TNFRSF13C: variants seen among roughly 807,000 people sequenced by gnomAD.
The protein encoded by TNFRSF13C is TNF receptor superfamily member 13C.
Under a neutral mutation model 12.1 loss-of-function variants are expected in TNFRSF13C, and 7 were observed. That is an observed-to-expected ratio of 0.58 (90% confidence interval 0.33 to 1.08). The LOEUF is 1.08. Ranked by LOEUF, TNFRSF13C falls within the 50% of genes least tolerant of loss-of-function variation. The pLI, the probability that TNFRSF13C is intolerant of heterozygous loss-of-function variation, is 0.04. For synonymous variants in TNFRSF13C, 157 were observed against 130.8 expected (o/e 1.20, Z -1.37); for missense variants, 260 against 265.9 (o/e 0.98, Z 0.15).
intron 2 of TNFRSF13C, 132 bp downstream of exon 2, chr22:41,925,967 CTT>C (rs2077627054): frequency 3.8e-6 from 5 of 1,301,540 alleles, no homozygotes; most frequent in South Asian, 1.3e-5. Context: ...AGCGCAAACT[CTT>C]TTCCACTCTG....
chr22:41,926,551 G>C lies in TNFRSF13C; in HGVS notation c.136+87C>G, dbSNP rs569824706. The C allele has an allele frequency of 3.5e-4, 460 of 1,317,778 alleles. 1 individual carries two copies. The African/African-American group carries it at 6.6e-3, about 19-fold the overall frequency. The allele number at this position is 1,317,778 out of a possible 1,614,324, so 81.6% of individuals were successfully genotyped here. On this transcript the variant is annotated intron_variant, in intron 1 of 2. Transcript: ENST00000291232. This position sits in a 1 kb window ranked among gnomAD's most constrained non-coding sequence, Gnocchi z 4.9. ...TCCTTTCAGCCCTCGGCGCCCCCGG[G>C]GGTCGGGGCTCTGCCTGCGCCCTGG... is the stretch of plus-strand genomic sequence containing the variant.
In TNFRSF13C at chr22:41,922,325, A is replaced by C. The variant is rs767705450; in HGVS notation, c.*3042T>G. ...CCACCCCCCTCCTCCAGGTGCTCTT[A>C]TGAAGATCAAATGAGGTATTGATGT... On this transcript the variant is annotated 3_prime_UTR_variant, in exon 3 of 3. Coordinates refer to ENST00000291232, the MANE Select transcript of TNFRSF13C (RefSeq NM_052945.4). 6.6e-6 allele frequency: 1 copy of C among 152,186 alleles called. No individual in the cohort carries two copies. Among genetic ancestry groups the C allele is most frequent in the Non-Finnish European group, 1.5e-5 (1 of 68,034 alleles). The allele number at this position is 152,186 out of a possible 1,614,324, so 9.4% of individuals were successfully genotyped here.
chr22:41,922,270 C>CA lies in TNFRSF13C; in HGVS notation c.*3096dup, dbSNP rs961514200. ...AAAATGCCTATCTTCATTTTTTTCA[C>CA]AAAAAAAAATTTAAACAAACACAAA... On this transcript the variant is annotated 3_prime_UTR_variant, in exon 3 of 3. Coordinates refer to ENST00000291232, the MANE Select transcript of TNFRSF13C (RefSeq NM_052945.4). 1.1e-4 allele frequency: 16 copies of CA among 151,354 alleles called. No individual in the cohort carries two copies. Among genetic ancestry groups the CA allele is most frequent in the South Asian group, 2.1e-4 (1 of 4,796 alleles). 9.4% of individuals were successfully genotyped at this position (151,354 alleles called of 1,614,324 possible). A position where few individuals can be genotyped will look rare whatever the true frequency, so the allele number is the denominator to read the frequency against.
Position 41,926,758 on chromosome 22 carries a change from G to A in TNFRSF13C, c.16C>T (p.Arg6Trp). The A allele has an allele frequency of 2.2e-6, 3 of 1,362,784 alleles. No individual in the cohort carries two copies. Among genetic ancestry groups the A allele is most frequent in the South Asian group, 1.7e-5 (1 of 58,346 alleles). 84.4% of individuals were successfully genotyped at this position (1,362,784 alleles called of 1,614,324 possible). Residue 6 changes from arginine to tryptophan, a missense_variant, in exon 1 of 3, where the codon CGG (arginine) becomes TGG (tryptophan). Physicochemically the swap from Arg to Trp is moderately radical, Grantham distance 101. Transcript: ENST00000291232. The surrounding 1 kb of genome is among the most constrained non-coding windows in gnomAD (Gnocchi z 4.9). MRRGPRSLRGRDAPAP... is the reference protein window; with the variant it reads MRRGPWSLRGRDAPAP... ...GGCGCGTCCCTGCCCCGCAGGCTCC[G>A]GGGCCCTCGCCTCATGGTGCCGACG...
In TNFRSF13C at chr22:41,925,684, C is replaced by G. The variant is rs550251612; in HGVS notation, c.368-130G>C. On this transcript the variant is annotated intron_variant, in intron 2 of 2. Transcript: ENST00000291232. ...CAGGGTGGGGAGGGGTGGCACCTGGCTGACCCTGAGTCCAGAGGCCTGGCC... is the reference window on the plus strand; with the variant it reads ...CAGGGTGGGGAGGGGTGGCACCTGGGTGACCCTGAGTCCAGAGGCCTGGCC... The G allele has an allele frequency of 2.6e-5, 31 of 1,172,860 alleles. No individual in the cohort carries two copies. The African/African-American group carries it at 4.4e-4, about 17-fold the overall frequency. 72.7% of individuals were successfully genotyped at this position (1,172,860 alleles called of 1,614,324 possible).
At position 41,926,452 on chromosome 22, in the gene TNFRSF13C, G is replaced by A. The variant is rs2077632488; in HGVS notation, c.137-121C>T. 9.8e-7 allele frequency: 1 copy of A among 1,025,580 alleles called. No individual in the cohort carries two copies. Among genetic ancestry groups the A allele is most frequent in the Non-Finnish European group, 1.3e-6 (1 of 771,232 alleles). 63.5% of individuals were successfully genotyped at this position (1,025,580 alleles called of 1,614,324 possible). On this transcript the variant is annotated intron_variant, in intron 1 of 2. Transcript: ENST00000291232. The surrounding 1 kb of genome is among the most constrained non-coding windows in gnomAD (Gnocchi z 4.9). The stretch of plus-strand genomic sequence containing the variant: ...GGGGAGGGACAGCCGGGGGGCGGTG[G>A]ACAAGGGGAGGGAGAGAGGCGGCGG...
rs902838184 is a variant in TNFRSF13C at position 41,922,369 on chromosome 22, T to A, written c.*2998A>T. 5 of 152,212 alleles carry A rather than the reference T, an allele frequency of 3.3e-5. No homozygotes were observed. Among genetic ancestry groups the A allele is most frequent in the Non-Finnish European group, 7.3e-5 (5 of 68,046 alleles). The allele number at this position is 152,212 out of a possible 1,614,324, so 9.4% of individuals were successfully genotyped here. A position where few individuals can be genotyped will look rare whatever the true frequency, so the allele number is the denominator to read the frequency against. ...TTGATGTGACGGCTCTGGGTCTCAG[T>A]TTCCTCGTCTGTTAAATGCATATGA... On this transcript the variant is annotated 3_prime_UTR_variant, in exon 3 of 3. Coordinates refer to ENST00000291232, the MANE Select transcript of TNFRSF13C (RefSeq NM_052945.4).
chr22:41,926,605 G>A lies in TNFRSF13C; in HGVS notation c.136+33C>T. ...TCGGGGCCCCGTTCTCCCCGCAGCTGCCGGCGCCGCGCGCCCCGTGGGTCC... is the reference window on the plus strand; with the variant it reads ...TCGGGGCCCCGTTCTCCCCGCAGCTACCGGCGCCGCGCGCCCCGTGGGTCC... On this transcript the variant is annotated intron_variant, in intron 1 of 2. Coordinates refer to ENST00000291232, the MANE Select transcript of TNFRSF13C (RefSeq NM_052945.4). The surrounding 1 kb of genome is among the most constrained non-coding windows in gnomAD (Gnocchi z 4.9). 1.4e-6 allele frequency: 2 copies of A among 1,413,536 alleles called. No individual in the cohort carries two copies. Among genetic ancestry groups the A allele is most frequent in the Non-Finnish European group, 1.8e-6 (2 of 1,087,346 alleles). 87.6% of individuals were successfully genotyped at this position (1,413,536 alleles called of 1,614,324 possible).
Position 41,926,362 on chromosome 22 carries a change from AG to A in TNFRSF13C, c.137-32del. The A allele has an allele frequency of 3.3e-6, 3 of 907,296 alleles. No individual in the cohort carries two copies. The highest frequency in any genetic ancestry group is 5.6e-5 in the South Asian group (2 of 35,652). 56.2% of individuals were successfully genotyped at this position (907,296 alleles called of 1,614,324 possible). A position where few individuals can be genotyped will look rare whatever the true frequency, so the allele number is the denominator to read the frequency against. ...TCGGGAGGGGACAGGGAGGGAGGCCAGGGGGCCGAGGGGAGGGAGGAGCGGG... is the reference window on the plus strand; with the variant it reads ...TCGGGAGGGGACAGGGAGGGAGGCCAGGGGCCGAGGGGAGGGAGGAGCGGG... On this transcript the variant is annotated intron_variant, in intron 1 of 2. Transcript: ENST00000291232. This position sits in a 1 kb window ranked among gnomAD's most constrained non-coding sequence, Gnocchi z 4.9.
chr22:41,925,719 C>G (rs1381347784), intron 2 of TNFRSF13C, among the ~76,000 whole-genome samples, 165 bp from the exon 3 acceptor site: 1 of 152,094 alleles, frequency 6.6e-6, no homozygotes, highest in Admixed American at 6.6e-5. Context: ...CAGTGGGGAG[C>G]TGGCAGGGCA....
At position 41,926,795 on chromosome 22, in the gene TNFRSF13C, G is replaced by A; in HGVS notation, c.-22C>T. 2.3e-6 allele frequency: 3 copies of A among 1,311,100 alleles called. No individual in the cohort carries two copies. Among genetic ancestry groups the A allele is most frequent in the South Asian group, 2.2e-5 (1 of 46,444 alleles). The allele number at this position is 1,311,100 out of a possible 1,614,324, so 81.2% of individuals were successfully genotyped here. ...TCATGGTGCCGACGCCGCCGCACAA[G>A]CTGCGGGGACTGAGGCTGAGCTGGG... On this transcript the variant is annotated 5_prime_UTR_variant, in exon 1 of 3. Transcript: ENST00000291232. The surrounding 1 kb of genome is among the most constrained non-coding windows in gnomAD (Gnocchi z 4.9).
chr22:41,923,490 C>G lies in TNFRSF13C; in HGVS notation c.*1877G>C, dbSNP rs1460458154. The G allele has an allele frequency of 6.5e-6, 1 of 153,320 alleles. No individual in the cohort carries two copies. Among genetic ancestry groups the G allele is most frequent in the Non-Finnish European group, 1.5e-5 (1 of 68,348 alleles). The allele number at this position is 153,320 out of a possible 1,614,324, so 9.5% of individuals were successfully genotyped here. A position where few individuals can be genotyped will look rare whatever the true frequency, so the allele number is the denominator to read the frequency against. On this transcript the variant is annotated 3_prime_UTR_variant, in exon 3 of 3. Transcript: ENST00000291232. The stretch of plus-strand genomic sequence containing the variant: ...GGAACACCATTGTAAGAGGAGGGAG[C>G]AGCTTCCACTGTGACGGTGGGTGAC...
At position 41,926,722 on chromosome 22, in the gene TNFRSF13C, G is replaced by T; in HGVS notation, c.52C>A (p.Pro18Thr). Residue 18 changes from proline (P) to threonine (T), a missense_variant, in exon 1 of 3, where the codon CCC becomes ACC. Transcript: ENST00000291232. This position sits in a 1 kb window ranked among gnomAD's most constrained non-coding sequence, Gnocchi z 4.9. Reference sequence around the variant, plus strand: ...TCGAAGCACTCGGCCGGGACGCAGGGCGTGGGGGCTGGCGCGTCCCTGCCC... The same window carrying T: ...TCGAAGCACTCGGCCGGGACGCAGGTCGTGGGGGCTGGCGCGTCCCTGCCC... Reference protein sequence around the residue: ...LRGRDAPAPTPCVPAECFDLL... With the variant: ...LRGRDAPAPTTCVPAECFDLL... 1 of 1,439,138 alleles carries T rather than the reference G, an allele frequency of 6.9e-7. No individual in the cohort carries two copies. Among genetic ancestry groups the T allele is most frequent in the East Asian group, 3.0e-5 (1 of 32,904 alleles). 89.1% of individuals were successfully genotyped at this position (1,439,138 alleles called of 1,614,324 possible).
Position 41,924,541 on chromosome 22 carries a change from C to T in TNFRSF13C, c.*826G>A, listed in dbSNP as rs2146587658. Reference sequence around the variant, plus strand: ...GGGCAAGGTGGAGCACCTGTAGTCCCACCTACTCAGGAGGCTGAAGCAGAA... The same window carrying T: ...GGGCAAGGTGGAGCACCTGTAGTCCTACCTACTCAGGAGGCTGAAGCAGAA... On this transcript the variant is annotated 3_prime_UTR_variant, in exon 3 of 3. Coordinates refer to ENST00000291232, the MANE Select transcript of TNFRSF13C (RefSeq NM_052945.4). 1 of 151,302 alleles carries T rather than the reference C, an allele frequency of 6.6e-6. No individual in the cohort carries two copies. Among genetic ancestry groups the T allele is most frequent in the Admixed American group, 6.6e-5 (1 of 15,154 alleles). 9.4% of individuals were successfully genotyped at this position (151,302 alleles called of 1,614,324 possible).
intron 2 of TNFRSF13C, 134 bp downstream of exon 2, chr22:41,925,967 C>CTTT: frequency 7.7e-7 from 1 of 1,301,540 alleles, no homozygotes; most frequent in South Asian, 1.3e-5. Context: ...AGCGCAAACT[C>CTTT]TTTTCCACTC....
rs1379056903 is a variant in TNFRSF13C at position 41,926,025 on chromosome 22, C to A, written c.367+76G>T. The stretch of plus-strand genomic sequence containing the variant: ...CCTTCTCTCCCCCTCAGGGGCCATG[C>A]ATCTCCCCCTAGACCGTCCCGACAC... On this transcript the variant is annotated intron_variant, in intron 2 of 2. Transcript: ENST00000291232. This position sits in a 1 kb window ranked among gnomAD's most constrained non-coding sequence, Gnocchi z 4.9. 1.9e-6 allele frequency: 3 copies of A among 1,567,628 alleles called. No individual in the cohort carries two copies. Among genetic ancestry groups the A allele is most frequent in the Admixed American group, 3.4e-5 (2 of 58,402 alleles).
At position 41,926,564 on chromosome 22, in the gene TNFRSF13C, G is replaced by A; in HGVS notation, c.136+74C>T. 7.4e-7 allele frequency: 1 copy of A among 1,344,612 alleles called. No individual in the cohort carries two copies. Among genetic ancestry groups the A allele is most frequent in the Non-Finnish European group, 9.5e-7 (1 of 1,053,096 alleles). 83.3% of individuals were successfully genotyped at this position (1,344,612 alleles called of 1,614,324 possible). On this transcript the variant is annotated intron_variant, in intron 1 of 2. Coordinates refer to ENST00000291232, the MANE Select transcript of TNFRSF13C (RefSeq NM_052945.4). The surrounding 1 kb of genome is among the most constrained non-coding windows in gnomAD (Gnocchi z 4.9). ...CGGCGCCCCCGGGGGTCGGGGCTCT[G>A]CCTGCGCCCTGGCGATCGGGGCCCC...
rs1242718283 is a variant in TNFRSF13C at position 41,926,306 on chromosome 22, C to T, written c.162G>A (p.Arg54=). 2.1e-6 allele frequency: 3 copies of T among 1,462,760 alleles called. No individual in the cohort carries two copies. The highest frequency in any genetic ancestry group is 2.7e-5 in the South Asian group (2 of 74,926). The allele number at this position is 1,462,760 out of a possible 1,614,324, so 90.6% of individuals were successfully genotyped here. The change falls in exon 2 of 3, where the codon AGG becomes AGA. Residue 54 remains arginine (R), a synonymous_variant. Coordinates refer to ENST00000291232, the MANE Select transcript of TNFRSF13C (RefSeq NM_052945.4). The surrounding 1 kb of genome is among the most constrained non-coding windows in gnomAD (Gnocchi z 4.9). ...KPAGASSPAP[R]TALQPQESVG... ...CCGACTCCTGCGGCTGCAGCGCCGT[C>T]CTGGGCGCAGGGCTGCTGGCCCCGG...
rs997437616 is a variant in TNFRSF13C, at chr22:41,923,064, A to G, written c.*2303T>C. The G allele has an allele frequency of 1.3e-5, 2 of 152,758 alleles. No homozygotes were observed. The highest frequency in any genetic ancestry group is 2.9e-5 in the Non-Finnish European group (2 of 68,310). The allele number at this position is 152,758 out of a possible 1,614,324, so 9.5% of individuals were successfully genotyped here. The stretch of plus-strand genomic sequence containing the variant: ...GGCAGAGACCTGGATGTGAGTGGCC[A>G]CTGTCTTCCAAGCTGGGCACACAAC... On this transcript the variant is annotated 3_prime_UTR_variant, in exon 3 of 3. Transcript: ENST00000291232.
Sources: gnomAD v4.1 joint callset for allele counts (sites outside exome capture counted in the v4.1 genomes callset) on GRCh38, gnomAD v4.1.1 for gene constraint, Gnocchi (gnomAD v3.1) non-coding constraint, MANE v1.5 for transcripts, NCBI Gene and HGNC (gene_info 2026-07-23, HGNC 2026-07-21) for gene names.